SRSF11: variants seen among roughly 807,000 people sequenced by gnomAD.
SRSF11 encodes serine and arginine rich splicing factor 11, also known as serine/arginine-rich splicing factor 11.
In SRSF11, 9 loss-of-function variants were observed where a neutral mutation model predicts 56.0. The observed-to-expected ratio is 0.16, with a 90% CI of 0.10 to 0.28. The LOEUF (loss-of-function observed/expected upper bound fraction) is 0.28, where lower values mean the gene tolerates loss of function less well. Among genes scored for constraint, SRSF11 ranks in the 10% least tolerant of loss-of-function variants. The probability of loss-of-function intolerance (pLI) is 1.00; values close to 1 mark genes in which losing one functional copy is unlikely to be tolerated. For missense variants in SRSF11, 421 were observed against 600.7 expected (o/e 0.70, Z 3.13); for synonymous variants, 222 against 215.3 (o/e 1.03, Z -0.27).
In SRSF11 at chr1:70,246,976, T is replaced by G. The variant is rs1388208577; in HGVS notation, c.1022+69T>G. ...TGCTTCTAACAGTATCAGTACGCTG[T>G]CAGTATGAAGTCTTTTCCAGAACAT... On this transcript the variant is annotated intron_variant, in intron 9 of 11. Coordinates refer to ENST00000370949, the MANE Select transcript of SRSF11 (RefSeq NM_001350605.2). The G allele has an allele frequency of 4.5e-6, 6 of 1,328,100 alleles. No individual in the cohort carries two copies. The East Asian group carries it at 1.5e-4, about 32-fold the overall frequency. The allele number at this position is 1,328,100 out of a possible 1,614,324, so 82.3% of individuals were successfully genotyped here.
intron 7 of SRSF11, among the ~76,000 whole-genome samples, chr1:70,243,026 T>C (rs1675845354): frequency 6.6e-6 from 1 of 152,104 alleles, no homozygotes; most frequent in Non-Finnish European, 1.5e-5. Context: ...AATAAGAGAT[T>C]AAAATTAAAG....
At position 70,244,788 on chromosome 1, in the gene SRSF11, G is replaced by A. The variant is rs2100966720; in HGVS notation, c.905G>A (p.Arg302Lys). Reference protein sequence around the residue: ...RRRSHSRERGRRSRSTSKTRD... With the variant: ...RRRSHSRERGKRSRSTSKTRD... ...AGATCTCATTCCAGAGAAAGAGGTAGAAGGTCAAGGAGCACATCAAAAACA... is the reference window on the plus strand; with the variant it reads ...AGATCTCATTCCAGAGAAAGAGGTAAAAGGTCAAGGAGCACATCAAAAACA... Residue 302 changes from arginine to lysine, a missense_variant, in exon 8 of 12, where the codon AGA becomes AAA. Around this residue, in one of 2 missense-constraint regions of SRSF11, gnomAD observed 253 missense variants for 305.8 expected, o/e 0.83. Coordinates refer to ENST00000370949, the MANE Select transcript of SRSF11 (RefSeq NM_001350605.2). The A allele has an allele frequency of 6.2e-7, 1 of 1,614,166 alleles. No individual in the cohort carries two copies. The highest frequency in any genetic ancestry group is 8.5e-7 in the Non-Finnish European group (1 of 1,180,010).
In SRSF11 at chr1:70,229,067, A is replaced by G. The variant is rs936360306; in HGVS notation, c.337+512A>G. ...GTGATTTTGGTTTTCGTGAAAGTTCAAGATTTCCTGTAGCTTAGGTGCCAA... is the reference window on the plus strand; with the variant it reads ...GTGATTTTGGTTTTCGTGAAAGTTCGAGATTTCCTGTAGCTTAGGTGCCAA... On this transcript the variant is annotated intron_variant, in intron 2 of 11. Transcript: ENST00000370949. 4.0e-5 allele frequency: 44 copies of G among 1,102,106 alleles called. No individual in the cohort carries two copies. In the African/African-American group the frequency reaches 6.3e-4, roughly 16 times the overall value. 68.3% of individuals were successfully genotyped at this position (1,102,106 alleles called of 1,614,324 possible).
intron 3 of SRSF11, among the ~76,000 whole-genome samples, chr1:70,233,709 A>G (rs1673336012): frequency 6.6e-6 from 1 of 152,222 alleles, no homozygotes; most frequent in African/African-American, 2.4e-5. Flanking sequence ...AACAAGGAGA[A>G]CTTGTAGCAC....
Position 70,239,507 on chromosome 1 carries a change from T to C in SRSF11, c.787T>C (p.Ser263Pro). The change falls in exon 7 of 12, where the codon TCT becomes CCT. Residue 263 changes from serine to proline, a missense_variant. Coordinates refer to ENST00000370949, the MANE Select transcript of SRSF11 (RefSeq NM_001350605.2). ...TTCTAGGAGGAGGAGGACTCCCTCA[T>C]CTTCTAGACACAGGTTAGATTGCTT... ...SRSRRRRTPS[S>P]SRHRRSRSRS... 1.2e-6 allele frequency: 2 copies of C among 1,606,364 alleles called. No homozygotes were observed. The highest frequency in any genetic ancestry group is 1.7e-6 in the Non-Finnish European group (2 of 1,177,260).
intron 1 of SRSF11, among the ~76,000 whole-genome samples, chr1:70,209,740 CTTTTTTTTTTTTTTTTTTTTTTTTTT>C (rs923729248): frequency 3.6e-5 from 1 of 27,484 alleles, no homozygotes; most frequent in South Asian, 1.2e-3. Context: ...CACCTCGCTT[CTTTTTTTTTTTTTTTTTTTTTTTTTT>C]TTTTTTTTTT....
intron 3 of SRSF11, among the ~76,000 whole-genome samples, chr1:70,233,530 G>A (rs1673299503): frequency 6.6e-6 from 1 of 152,178 alleles, no homozygotes; most frequent in Admixed American, 6.5e-5. Context: ...GTGAGCCACC[G>A]CGCCCAGTCC....
At chr1:70,224,519 G>A (rs1671350781) in intron 1 of SRSF11, among the ~76,000 whole-genome samples, 1 of 152,100 alleles carries the variant, frequency 6.6e-6, no homozygotes, top group African/African-American at 2.4e-5. Context: ...TAAAATACAT[G>A]TATGACTGAA....
chr1:70,228,959 G>C (rs1407056158), intron 2 of SRSF11: 1 of 982,946 alleles, frequency 1.0e-6, no homozygotes, highest in African/African-American at 1.8e-5. Flanking sequence ...TGAGTAGGTT[G>C]ATTTTATTTT....
rs1670562540 is a variant in SRSF11, at chr1:70,221,390, T to C, written c.-247T>C. 1 of 519,492 alleles carries C rather than the reference T, an allele frequency of 1.9e-6. No individual in the cohort carries two copies. Among genetic ancestry groups the C allele is most frequent in the East Asian group, 3.4e-5 (1 of 29,304 alleles). 32.2% of individuals were successfully genotyped at this position (519,492 alleles called of 1,614,324 possible). A position where few individuals can be genotyped will look rare whatever the true frequency, so the allele number is the denominator to read the frequency against. Reference sequence around the variant, plus strand: ...GAGCTCGGGCCCGCTAGTGTCGTGGTTGGAGGCGAGGTGGGGCGGCCGTTT... The same window carrying C: ...GAGCTCGGGCCCGCTAGTGTCGTGGCTGGAGGCGAGGTGGGGCGGCCGTTT... On this transcript the variant is annotated 5_prime_UTR_variant, in exon 1 of 12. Coordinates refer to ENST00000370949, the MANE Select transcript of SRSF11 (RefSeq NM_001350605.2).
At chr1:70,245,731 G>A (rs1156540781) in intron 8 of SRSF11, among the ~76,000 whole-genome samples, 3 of 152,166 alleles carry the variant, frequency 2.0e-5, no homozygotes, top group Admixed American at 6.5e-5. Flanking sequence ...TTTTGATGTA[G>A]TTGGACTAGA....
chr1:70,232,517 A>C, intron 3 of SRSF11, 140 bp downstream of exon 3: 1 of 625,300 alleles, frequency 1.6e-6, no homozygotes, highest in Non-Finnish European at 2.8e-6. Flanking sequence ...AATCACAAAT[A>C]GTATAGAAGA....
At chr1:70,206,781 T>C (rs749552122) in intron 1 of SRSF11, among the ~76,000 whole-genome samples, 20 of 152,160 alleles carry the variant, frequency 1.3e-4, no homozygotes, top group Non-Finnish European at 2.5e-4. Flanking sequence ...GGTTTTTAAC[T>C]CTACCCTTTT....
At chr1:70,219,819 A>G (rs1670349115), upstream of SRSF11, among the ~76,000 whole-genome samples, 1 of 152,194 alleles carries the variant, frequency 6.6e-6, no homozygotes, top group Non-Finnish European at 1.5e-5. Context: ...AAAGTCACTT[A>G]GCCAGTTGGC....
chr1:70,246,967 A>G, intron 9 of SRSF11, 60 bp downstream of exon 9: 12 of 1,398,696 alleles, frequency 8.6e-6, no homozygotes, highest in Non-Finnish European at 1.2e-5. Context: ...TAACAGTATC[A>G]GTACGCTGTC....
At chr1:70,235,629 A>G (rs1456718475) in intron 5 of SRSF11, 79 bp downstream of exon 5, 1 of 1,359,648 alleles carries the variant, frequency 7.4e-7, no homozygotes, top group Non-Finnish European at 1.0e-6. Context: ...GATAGCTTAT[A>G]AGAAAGTTAT....
intron 1 of SRSF11, among the ~76,000 whole-genome samples, chr1:70,222,236 G>T (rs987455484): frequency 2.0e-5 from 3 of 152,168 alleles, no homozygotes; most frequent in African/African-American, 7.2e-5. Flanking sequence ...ATTCATGCCT[G>T]TGTTAATTTG....
chr1:70,227,026 G>C (rs1671934971), intron 1 of SRSF11, among the ~76,000 whole-genome samples: 1 of 152,182 alleles, frequency 6.6e-6, no homozygotes, highest in Non-Finnish European at 1.5e-5. Flanking sequence ...ACTTGGGTTA[G>C]GGTCTGTGTT....
chr1:70,230,373 G>A (rs1255093708), intron 2 of SRSF11: 2 of 1,077,516 alleles, frequency 1.9e-6, no homozygotes, highest in Non-Finnish European at 2.3e-6. Flanking sequence ...GTTAGCTCTT[G>A]GTCAGTGTTT....
Sources: gnomAD v4.1 joint callset for allele counts (sites outside exome capture counted in the v4.1 genomes callset) on GRCh38, gnomAD v4.1.1 for gene constraint, gnomAD v4.1.1 regional missense constraint, MANE v1.5 for transcripts, NCBI Gene and HGNC (gene_info 2026-07-23, HGNC 2026-07-21) for gene names.